Variants in MASP1 observed in about 807,000 individuals in gnomAD.
MASP1 encodes MBL associated serine protease 1, also known as mannan-binding lectin serine protease 1.
MASP1 carries 59 observed loss-of-function variants against 77.1 expected under a neutral mutation model. The observed-to-expected ratio is 0.77, with a 90% CI of 0.62 to 0.95. MASP1 has a LOEUF of 0.95. Among genes scored for constraint, MASP1 ranks in the 40% least tolerant of loss-of-function variants. MASP1 has a pLI of 0.00. For missense variants in MASP1, 885 were observed against 912.9 expected (o/e 0.97, Z 0.39); for synonymous variants, 362 against 354.5 (o/e 1.02, Z -0.24).
At chr3:187,281,791 C>T (rs909806142) in intron 2 of MASP1, among the ~76,000 whole-genome samples, 3 of 152,170 alleles carry the variant, frequency 2.0e-5, no homozygotes, top group Non-Finnish European at 4.4e-5. Context: ...TCCATCCTCT[C>T]ACTGAACAGA....
At chr3:187,259,619 T>C (rs1399201039) in intron 4 of MASP1, among the ~76,000 whole-genome samples, 1 of 152,108 alleles carries the variant, frequency 6.6e-6, no homozygotes, top group African/African-American at 2.4e-5. Context: ...ACTGAACACA[T>C]AGTAGATACT....
At chr3:187,290,992 T>A (rs1365812688) in intron 1 of MASP1, among the ~76,000 whole-genome samples, 2 of 151,928 alleles carry the variant, frequency 1.3e-5, no homozygotes, top group Admixed American at 6.6e-5. Context: ...TTTTTTTTTT[T>A]AAGTATGATA....
At chr3:187,287,994 G>T (rs1039594756) in intron 1 of MASP1, among the ~76,000 whole-genome samples, 2 of 152,054 alleles carry the variant, frequency 1.3e-5, no homozygotes, top group Non-Finnish European at 2.9e-5. Context: ...ATACACCAAG[G>T]TATTGACAGT....
In MASP1 at chr3:187,234,295, G is replaced by A; in HGVS notation, c.*1389C>T. The A allele has an allele frequency of 7.8e-7, 1 of 1,287,226 alleles. No homozygotes were observed. Among genetic ancestry groups the A allele is most frequent in the Non-Finnish European group, 1.0e-6 (1 of 988,688 alleles). 79.7% of individuals were successfully genotyped at this position (1,287,226 alleles called of 1,614,324 possible). A position where few individuals can be genotyped will look rare whatever the true frequency, so the allele number is the denominator to read the frequency against. On this transcript the variant is annotated 3_prime_UTR_variant, in exon 11 of 11. Transcript: ENST00000296280. ...TTCCCTCTCAGGGGCTTCTCTGGCT[G>A]CCTTGCTCTGATGGAGATTTTCAGG...
chr3:187,257,010 C>T (rs765078880), intron 4 of MASP1, 150 bp from the exon 5 acceptor site: 1 of 715,666 alleles, frequency 1.4e-6, no homozygotes, highest in Non-Finnish European at 2.5e-6. Flanking sequence ...AAAAATGAAG[C>T]TCAAGGTCGC....
intron 4 of MASP1, among the ~76,000 whole-genome samples, chr3:187,257,174 G>C (rs1715162447): frequency 1.3e-5 from 2 of 151,998 alleles, no homozygotes; most frequent in Non-Finnish European, 1.5e-5. Context: ...AGATGGAGTG[G>C]TCAGGGGGAT....
chr3:187,220,285 G>A (rs767702434), intron 15 of MASP1: 2 of 1,609,924 alleles, frequency 1.2e-6, no homozygotes, highest in South Asian at 1.1e-5. Flanking sequence ...AGACATAGAT[G>A]AAGATAAAAT....
intron 7 of MASP1, among the ~76,000 whole-genome samples, chr3:187,250,951 C>G (rs974683228): frequency 2.0e-5 from 3 of 151,914 alleles, no homozygotes; most frequent in African/African-American, 7.3e-5. Flanking sequence ...TGAGGGGAAC[C>G]CATCTGTTCC....
intron 2 of MASP1, among the ~76,000 whole-genome samples, chr3:187,278,199 C>T (rs1006952052): frequency 2.6e-5 from 4 of 152,196 alleles, no homozygotes; most frequent in African/African-American, 9.6e-5. Flanking sequence ...TAAGCAACTG[C>T]TCCAGTAAGA....
At chr3:187,238,830 C>T (rs1713386598) in intron 10 of MASP1, among the ~76,000 whole-genome samples, 1 of 152,182 alleles carries the variant, frequency 6.6e-6, no homozygotes, top group Non-Finnish European at 1.5e-5. Context: ...CTTAGCAGGA[C>T]CCCTGAAATG....
chr3:187,241,080 G>A (rs1328637221), intron 10 of MASP1, among the ~76,000 whole-genome samples: 2 of 152,192 alleles, frequency 1.3e-5, no homozygotes, highest in African/African-American at 4.8e-5. Context: ...TTGCTGTTTG[G>A]AAGAAAGAAT....
chr3:187,291,377 G>T (rs931308806), intron 1 of MASP1: 13 of 578,190 alleles, frequency 2.2e-5, no homozygotes, highest in Middle Eastern at 2.7e-4. Context: ...AGAAATCTGA[G>T]CTTCAGCAGC....
At chr3:187,286,099 G>T in intron 1 of MASP1, 43 bp from the exon 2 acceptor site, 2 of 1,461,106 alleles carry the variant, frequency 1.4e-6, no homozygotes, top group Non-Finnish European at 9.6e-7. Context: ...TATAAACACA[G>T]GCCCCTGCCA....
downstream of MASP1, chr3:187,229,881 CT>C (rs1349339242): frequency 6.2e-7 from 1 of 1,614,132 alleles, no homozygotes; most frequent in Admixed American, 1.7e-5. Context: ...TCCGGGAGAA[CT>C]TGGGGAGCCC....
chr3:187,279,024 A>G (rs756595434), intron 2 of MASP1, among the ~76,000 whole-genome samples: 2 of 152,070 alleles, frequency 1.3e-5, no homozygotes, highest in Non-Finnish European at 2.9e-5. Context: ...GTCCTAGACT[A>G]AAATGCTAAA....
intron 8 of MASP1, among the ~76,000 whole-genome samples, chr3:187,249,564 A>C (rs1388563677): frequency 6.6e-6 from 1 of 152,192 alleles, no homozygotes; most frequent in Non-Finnish European, 1.5e-5. Flanking sequence ...AAGGGGTTGG[A>C]AGCCTGTATT....
intron 2 of MASP1, among the ~76,000 whole-genome samples, chr3:187,281,945 A>G (rs1362844744): frequency 6.6e-6 from 1 of 152,216 alleles, no homozygotes; most frequent in African/African-American, 2.4e-5. Context: ...AGCATTGGCC[A>G]GGCGATTAGA....
In MASP1 at chr3:187,221,065, T is replaced by C; in HGVS notation, c.1879A>G (p.Arg627Gly). 2 of 1,614,156 alleles carry C rather than the reference T, an allele frequency of 1.2e-6. No individual in the cohort carries two copies. Among genetic ancestry groups the C allele is most frequent in the Non-Finnish European group, 1.7e-6 (2 of 1,179,984 alleles). ...TTCTCCCCAGCACAGATCATGTCCC[T>C]GGTCACTTTCTTCTTCAGCGGGGCA... Residue 627 changes from arginine (R) to glycine (G), a missense_variant, in exon 15 of 16, where the codon AGG becomes GGG. By Grantham distance (125) the Arg-to-Gly change is moderately radical. Transcript: ENST00000337774.
intron 2 of MASP1, among the ~76,000 whole-genome samples, chr3:187,272,340 T>C (rs957260513): frequency 2.0e-5 from 3 of 152,226 alleles, no homozygotes; most frequent in African/African-American, 7.2e-5. Flanking sequence ...TTGGGGCATC[T>C]CATTTTTATA....
Sources: gnomAD v4.1 joint callset for allele counts (sites outside exome capture counted in the v4.1 genomes callset) on GRCh38, gnomAD v4.1.1 for gene constraint, MANE v1.5 for transcripts, NCBI Gene and HGNC (gene_info 2026-07-23, HGNC 2026-07-21) for gene names.